USP36: variants seen among roughly 807,000 people sequenced by gnomAD.
USP36 encodes ubiquitin carboxyl-terminal hydrolase 36.
A neutral mutation model predicts 111.5 loss-of-function variants in USP36; 59 were observed. That is an observed-to-expected ratio of 0.53 (90% CI 0.43 to 0.66). USP36 has a LOEUF of 0.66. Among genes scored for constraint, USP36 ranks in the 30% least tolerant of loss-of-function variants. The probability of loss-of-function intolerance (pLI) is 0.00; values close to 1 mark genes in which losing one functional copy is unlikely to be tolerated. For missense variants in USP36, 1,488 were observed against 1,468.0 expected, an observed-to-expected ratio of 1.01 and a Z score of -0.22; for synonymous variants, 628 against 581.0, an observed-to-expected ratio of 1.08 and a Z score of -1.16.
chr17:78,792,862 G>A (rs2144841138), downstream of USP36, among the ~76,000 whole-genome samples: 1 of 152,218 alleles, frequency 6.6e-6, no homozygotes, highest in East Asian at 1.9e-4. Context: ...GGGATTACAG[G>A]CACAGGCCAA....
Position 78,803,947 on chromosome 17 carries a change from G to A in USP36, c.2248C>T (p.Arg750Cys), listed in dbSNP as rs370614897. Residue 750 changes from arginine (R) to cysteine (C), a missense_variant, in exon 16 of 21, where the codon CGC becomes TGC. This residue lies in a region of USP36 where 1,073 missense variants were observed against 994.1 expected (regional missense o/e 1.08). Transcript: ENST00000449938. This position sits in a 1 kb window ranked among gnomAD's most constrained non-coding sequence, Gnocchi z 4.6. ...TGGGGGCTGAAGGGGGGTTGCAGGCGGCTGGATGATTGGGGAGCAGGTGAC... is the reference window on the plus strand; with the variant it reads ...TGGGGGCTGAAGGGGGGTTGCAGGCAGCTGGATGATTGGGGAGCAGGTGAC... ...AVSPAPQSSS[R>C]LQPPFSPHPT... 39 of 1,602,530 alleles carry A rather than the reference G, an allele frequency of 2.4e-5. No individual in the cohort carries two copies. Among genetic ancestry groups the A allele is most frequent in the Middle Eastern group, 2.0e-4 (1 of 4,906 alleles).
intron 2 of USP36, among the ~76,000 whole-genome samples, chr17:78,837,960 C>T (rs1273014404): frequency 6.6e-6 from 1 of 152,226 alleles, no homozygotes; most frequent in Non-Finnish European, 1.5e-5. Flanking sequence ...TGGCCTGGGC[C>T]TGTCGTCCCA....
chr17:78,829,927 G>A (rs2067931057), intron 4 of USP36, among the ~76,000 whole-genome samples: 1 of 152,188 alleles, frequency 6.6e-6, no homozygotes, highest in African/African-American at 2.4e-5. Context: ...TTTTAGTAGA[G>A]ACAGAGTTTC....
intron 14 of USP36, 134 bp from the exon 15 acceptor site, chr17:78,806,420 G>T: frequency 8.5e-7 from 1 of 1,175,102 alleles, no homozygotes; most frequent in Non-Finnish European, 1.2e-6. Context: ...GACAGAAGAA[G>T]ACAAAAAGGG....
At chr17:78,812,417 C>T (rs548159673) in intron 13 of USP36, among the ~76,000 whole-genome samples, 5 of 152,050 alleles carry the variant, frequency 3.3e-5, no homozygotes, top group Admixed American at 1.3e-4. Flanking sequence ...TGGCCGGGCG[C>T]GGTGGCTCAT....
intron 4 of USP36, 93 bp downstream of exon 4, chr17:78,835,187 T>C: frequency 7.6e-7 from 1 of 1,322,204 alleles, no homozygotes; most frequent in Non-Finnish European, 1.1e-6. Flanking sequence ...CTCCTAAATT[T>C]GACCCAGACT....
At chr17:78,799,511 G>A (rs2093688007) in intron 18 of USP36, among the ~76,000 whole-genome samples, 156 bp downstream of exon 18, 1 of 152,134 alleles carries the variant, frequency 6.6e-6, no homozygotes, top group Non-Finnish European at 1.5e-5. Context: ...GGTTTAAAGA[G>A]GACTCCAGCC....
downstream of USP36, among the ~76,000 whole-genome samples, chr17:78,792,356 G>A (rs1314200323): frequency 6.6e-6 from 1 of 151,974 alleles, no homozygotes; most frequent in African/African-American, 2.4e-5. Flanking sequence ...GCACAGGTGG[G>A]GTGCCAGCAT....
chr17:78,815,380 G>A (rs1159716738), intron 10 of USP36, among the ~76,000 whole-genome samples: 3 of 152,138 alleles, frequency 2.0e-5, no homozygotes, highest in African/African-American at 7.2e-5. Flanking sequence ...ATGCTGAGAA[G>A]TGAGTCTTCT....
intron 18 of USP36, 148 bp from the exon 19 acceptor site, chr17:78,799,171 G>GGAC (rs1395311111): frequency 5.1e-6 from 4 of 790,200 alleles, no homozygotes; most frequent in Non-Finnish European, 8.3e-6. Flanking sequence ...GACAAGAGGA[G>GGAC]GACGGCTCGA....
At chr17:78,827,802 A>T (rs7216626) in intron 5 of USP36, among the ~76,000 whole-genome samples, 1 of 152,180 alleles carries the variant, frequency 6.6e-6, no homozygotes, top group Admixed American at 6.5e-5. Flanking sequence ...CCAGCTACTT[A>T]GGTGGCTGAG....
chr17:78,839,898 G>A (rs1244244087), intron 1 of USP36, among the ~76,000 whole-genome samples: 3 of 152,200 alleles, frequency 2.0e-5, no homozygotes, highest in Non-Finnish European at 4.4e-5. Flanking sequence ...ATTTCCACCT[G>A]CGCGAACCCC....
Position 78,821,939 on chromosome 17 carries a change from C to T in USP36, c.755G>A (p.Arg252His). Residue 252 changes from arginine to histidine, a missense_variant and splice_region_variant, in exon 7 of 21, where the codon CGC (arginine) becomes CAC (histidine). Coordinates refer to ENST00000449938, the MANE Select transcript of USP36 (RefSeq NM_001385174.1). ...HQIFGGYLRSRVKCSVCKSVS... is the reference protein window; with the variant it reads ...HQIFGGYLRSHVKCSVCKSVS... ...GTAGAACAAACGTCTCCACTTACCGCGTGATCTGAGATACCCTCCAAAAAT... is the reference window on the plus strand; with the variant it reads ...GTAGAACAAACGTCTCCACTTACCGTGTGATCTGAGATACCCTCCAAAAAT... 1.2e-6 allele frequency: 2 copies of T among 1,614,144 alleles called. No individual in the cohort carries two copies. The highest frequency in any genetic ancestry group is 1.7e-6 in the Non-Finnish European group (2 of 1,179,998).
At chr17:78,794,009 A>C (rs910402530), downstream of USP36, among the ~76,000 whole-genome samples, 1 of 152,078 alleles carries the variant, frequency 6.6e-6, no homozygotes, top group African/African-American at 2.4e-5. Context: ...CCTGGCTACT[A>C]CTTGGCCTCC....
chr17:78,788,267 C>A (rs1326472480), intron 3 of USP36, among the ~76,000 whole-genome samples: 1 of 151,986 alleles, frequency 6.6e-6, no homozygotes, highest in African/African-American at 2.4e-5. Flanking sequence ...CAGGTTCAAG[C>A]AATTCTCCTG....
Position 78,807,102 on chromosome 17 carries a change from C to A in USP36, c.1942G>T (p.Ala648Ser). 1 of 1,614,190 alleles carries A rather than the reference C, an allele frequency of 6.2e-7. No homozygotes were observed. The highest frequency in any genetic ancestry group is 8.5e-7 in the Non-Finnish European group (1 of 1,180,032). Reference protein sequence around the residue: ...CDSQETNCSTAGHSKTPPSGA... With the variant: ...CDSQETNCSTSGHSKTPPSGA... ...CTTGGCGGCGTTTTGGAGTGGCCAG[C>A]GGTGGAACAGTTCGTTTCCTGAGAA... The change falls in exon 14 of 21, where the codon GCT (alanine) becomes TCT (serine). Residue 648 changes from alanine (A) to serine (S), a missense_variant. Physicochemically the swap from Ala to Ser is moderately conservative, Grantham distance 99. This residue lies in a region of USP36 where 1,073 missense variants were observed against 994.1 expected (regional missense o/e 1.08). Transcript: ENST00000449938.
intron 13 of USP36, among the ~76,000 whole-genome samples, chr17:78,809,145 TTTGTTGACAATATTTTACAA>T (rs2093988251): frequency 6.6e-6 from 1 of 152,234 alleles, no homozygotes; most frequent in Admixed American, 6.5e-5. Context: ...ATGTTAACCT[TTTGTTGACAATATTTTACAA>T]GGTTTTATTG....
intron 12 of USP36, among the ~76,000 whole-genome samples, chr17:78,813,275 C>A (rs371311979): frequency 5.9e-5 from 9 of 152,128 alleles, no homozygotes; most frequent in African/African-American, 2.2e-4. Flanking sequence ...GCAAGAACCT[C>A]AAACACCTCA....
chr17:78,826,230 T>C (rs1221670002), intron 6 of USP36, among the ~76,000 whole-genome samples: 1 of 152,212 alleles, frequency 6.6e-6, no homozygotes, highest in Non-Finnish European at 1.5e-5. Flanking sequence ...ATATAAGTGA[T>C]TTAAGTAAGT....
Sources: gnomAD v4.1 joint callset for allele counts (sites outside exome capture counted in the v4.1 genomes callset) on GRCh38, gnomAD v4.1.1 for gene constraint, gnomAD v4.1.1 regional missense constraint, Gnocchi (gnomAD v3.1) non-coding constraint, MANE v1.5 for transcripts, NCBI Gene and HGNC (gene_info 2026-07-23, HGNC 2026-07-21) for gene names.